WNT3: variants seen among roughly 807,000 people sequenced by gnomAD.
WNT3 encodes the protein Wnt family member 3.
WNT3 carries 7 observed loss-of-function variants against 34.2 expected under a neutral mutation model. The ratio of observed to expected loss-of-function variants is 0.20; its 90% CI spans 0.12 to 0.38. The LOEUF (loss-of-function observed/expected upper bound fraction) is 0.38, where lower values mean the gene tolerates loss of function less well. WNT3 is among the 10% of genes least tolerant of loss of function. WNT3 has a pLI of 1.00. For missense variants in WNT3, 267 were observed against 499.8 expected, an observed-to-expected ratio of 0.53 and a Z score of 4.44; for synonymous variants, 212 against 211.5, an observed-to-expected ratio of 1.00 and a Z score of -0.02.
intron 1 of WNT3, among the ~76,000 whole-genome samples, chr17:46,791,725 AAC>A (rs1223391336): frequency 6.6e-6 from 1 of 152,242 alleles, no homozygotes; most frequent in East Asian, 1.9e-4. Flanking sequence ...TTCTGGGGGA[AAC>A]ACACGTTGTG....
chr17:46,775,609 CTTT>C (rs1223588575), intron 1 of WNT3, among the ~76,000 whole-genome samples: 3 of 111,622 alleles, frequency 2.7e-5, no homozygotes, highest in Admixed American at 1.8e-4. Flanking sequence ...GCCAGAAGTT[CTTT>C]TTTTTTTTTT....
chr17:46,766,410 A>G (rs2059313987), intron 4 of WNT3, among the ~76,000 whole-genome samples: 1 of 151,962 alleles, frequency 6.6e-6, no homozygotes, highest in Non-Finnish European at 1.5e-5. Context: ...CAGTCTCAAA[A>G]AAAAAAAAAA....
intron 1 of WNT3, among the ~76,000 whole-genome samples, chr17:46,776,776 C>T (rs887523675): frequency 1.3e-5 from 2 of 152,118 alleles, no homozygotes; most frequent in Admixed American, 1.3e-4. Context: ...TGTCCCCGCT[C>T]CTTCCTCTGG....
intron 1 of WNT3, among the ~76,000 whole-genome samples, chr17:46,798,773 GGC>G (rs2084085994): frequency 1.3e-5 from 2 of 152,166 alleles, no homozygotes; most frequent in Admixed American, 1.3e-4. Flanking sequence ...TGATAGGCTG[GGC>G]GCAGTGGCTC....
intron 1 of WNT3, among the ~76,000 whole-genome samples, chr17:46,814,990 C>T (rs1031368105): frequency 2.0e-5 from 3 of 152,170 alleles, no homozygotes; most frequent in Non-Finnish European, 2.9e-5. Context: ...TGAGGCAGGG[C>T]AGGCTGGGGA....
Position 46,804,014 on chromosome 17 carries a change from T to C in WNT3, c.80+14504A>G, listed in dbSNP as rs564941831. ...GTGAGGAAACTCAGGGCAAGCTCCA[T>C]CCTTGCACCTGCATTGACCTTGACT... On this transcript the variant is annotated intron_variant, in intron 1 of 4. Transcript: ENST00000225512. Among the ~76,000 whole-genome samples the C allele has an allele frequency of 7.9e-5, 12 of 152,244 alleles. No individual in the cohort carries two copies. The East Asian group carries it at 2.3e-3, about 29-fold the overall frequency.
chr17:46,788,895 G>A (rs1035020752), intron 1 of WNT3, among the ~76,000 whole-genome samples: 3 of 152,168 alleles, frequency 2.0e-5, no homozygotes, highest in Admixed American at 1.3e-4. Context: ...TGGCTCTCTG[G>A]GCCTTTTAAC....
chr17:46,777,904 C>A (rs919252668), intron 1 of WNT3, among the ~76,000 whole-genome samples: 3 of 152,222 alleles, frequency 2.0e-5, no homozygotes, highest in African/African-American at 7.2e-5. Flanking sequence ...CTGTCTCCTT[C>A]CTGTTGCCCA....
At chr17:46,806,379 T>C (rs2084197445) in intron 1 of WNT3, among the ~76,000 whole-genome samples, 1 of 152,004 alleles carries the variant, frequency 6.6e-6, no homozygotes, top group South Asian at 2.1e-4. Context: ...CCGGCTAATT[T>C]TGTATTTTTA....
chr17:46,815,023 G>A (rs1449201762), intron 1 of WNT3, among the ~76,000 whole-genome samples: 2 of 152,182 alleles, frequency 1.3e-5, no homozygotes, highest in Non-Finnish European at 2.9e-5. Context: ...GTGTAAGGAA[G>A]CAGACCCAGA....
At chr17:46,816,092 T>G (rs1464245330) in intron 1 of WNT3, among the ~76,000 whole-genome samples, 1 of 116,830 alleles carries the variant, frequency 8.6e-6, no homozygotes. Flanking sequence ...CACACTGTCA[T>G]GAAGGCATGC....
intron 1 of WNT3, among the ~76,000 whole-genome samples, chr17:46,779,875 C>T (rs899887666): frequency 1.3e-5 from 2 of 152,122 alleles, no homozygotes; most frequent in Admixed American, 1.3e-4. Context: ...TCTCCTGCCT[C>T]GGCCTCTCAA....
intron 1 of WNT3, among the ~76,000 whole-genome samples, chr17:46,817,414 G>T (rs932448619): frequency 1.3e-5 from 2 of 152,220 alleles, no homozygotes; most frequent in Non-Finnish European, 2.9e-5. Flanking sequence ...AGGAGGGGAA[G>T]ATTCTTTAAT....
intron 4 of WNT3, among the ~76,000 whole-genome samples, chr17:46,766,306 G>A (rs2059312361): frequency 1.3e-5 from 2 of 152,078 alleles, no homozygotes. Flanking sequence ...TACTCGGGAG[G>A]CTGAGGCAGG....
chr17:46,781,762 C>A (rs1369595471), intron 1 of WNT3, among the ~76,000 whole-genome samples: 2 of 152,150 alleles, frequency 1.3e-5, no homozygotes, highest in Non-Finnish European at 1.5e-5. Context: ...GTGCTTGCAT[C>A]CCCAGCCTTC....
chr17:46,764,804 C>T (rs985673781), intron 4 of WNT3, among the ~76,000 whole-genome samples, 183 bp from the exon 5 acceptor site: 4 of 152,164 alleles, frequency 2.6e-5, no homozygotes, highest in East Asian at 3.9e-4. Context: ...TGAGGGAGGT[C>T]GTATGAGTCA....
At chr17:46,799,729 T>C (rs113839801) in intron 1 of WNT3, among the ~76,000 whole-genome samples, 16,145 of 152,224 alleles carry the variant, frequency 0.11, 903 homozygotes, top group Middle Eastern at 0.13. Flanking sequence ...ATTACAGGCA[T>C]GAGCCACTGC....
At chr17:46,790,696 G>C (rs1293549785) in intron 1 of WNT3, among the ~76,000 whole-genome samples, 1 of 151,990 alleles carries the variant, frequency 6.6e-6, no homozygotes, top group Non-Finnish European at 1.5e-5. Context: ...CTCTCTCCTT[G>C]GCCTCTCAGC....
chr17:46,809,226 G>A (rs2084238081), intron 1 of WNT3, among the ~76,000 whole-genome samples: 1 of 152,200 alleles, frequency 6.6e-6, no homozygotes, highest in Non-Finnish European at 1.5e-5. Flanking sequence ...GTCAGAGCAG[G>A]GGAGTGGCAC....
Sources: allele counts gnomAD v4.1 joint callset (sites outside exome capture counted in the v4.1 genomes callset), GRCh38; gene constraint gnomAD v4.1.1; transcripts MANE v1.5; gene names NCBI Gene and HGNC (gene_info 2026-07-23, HGNC 2026-07-21).